HTR2C: variants seen among roughly 807,000 people sequenced by gnomAD.
The protein encoded by HTR2C is 5-hydroxytryptamine receptor 2C.
In HTR2C, 5 loss-of-function variants were observed where a neutral mutation model predicts 21.0. That is an observed-to-expected ratio of 0.24 (90% CI 0.12 to 0.50). The LOEUF is 0.50. HTR2C is among the 20% of genes least tolerant of loss of function. The pLI is 0.98. For missense variants in HTR2C, 271 were observed against 371.2 expected (o/e 0.73, Z 2.22); for synonymous variants, 150 against 145.3 (o/e 1.03, Z -0.23).
At chrX:114,809,790 G>A (rs1245532967) in intron 4 of HTR2C, among the ~76,000 whole-genome samples, 1 of 111,110 alleles carries the variant, frequency 9.0e-6, no homozygotes, top group African/African-American at 3.3e-5. Flanking sequence ...TGTTACCCAA[G>A]CTACAAGACA....
intron 5 of HTR2C, among the ~76,000 whole-genome samples, chrX:114,897,031 G>A (rs782304318): frequency 7.9e-4 from 88 of 111,217 alleles, no homozygotes; most frequent in Non-Finnish European, 1.5e-3. Context: ...ATTTGACCTA[G>A]GTGGATTTAA....
intron 5 of HTR2C, among the ~76,000 whole-genome samples, chrX:114,905,261 G>T (rs2071363298): frequency 9.0e-6 from 1 of 111,555 alleles, no homozygotes; most frequent in Non-Finnish European, 1.9e-5. Flanking sequence ...CTAGGAAAAG[G>T]CCAGTCATTT....
intron 4 of HTR2C, among the ~76,000 whole-genome samples, chrX:114,836,572 G>A (rs782170681): frequency 5.4e-5 from 6 of 111,732 alleles, no homozygotes; most frequent in East Asian, 2.8e-4. Context: ...GCTCGTGCAC[G>A]GTGCGTGCAC....
At chrX:114,816,195 G>T (rs782758392) in intron 4 of HTR2C, among the ~76,000 whole-genome samples, 257 of 109,907 alleles carry the variant, frequency 2.3e-3, no homozygotes, top group African/African-American at 7.7e-3. Flanking sequence ...AATATAATAC[G>T]AATTGTATGA....
At chrX:114,606,552 A>C (rs1556396940) in intron 1 of HTR2C, among the ~76,000 whole-genome samples, 1 of 111,848 alleles carries the variant, frequency 8.9e-6, no homozygotes, top group African/African-American at 3.3e-5. Context: ...AGGAATTGAA[A>C]TTAAGAGAAG....
intron 4 of HTR2C, among the ~76,000 whole-genome samples, chrX:114,804,154 G>T (rs1279620450): frequency 1.8e-5 from 2 of 111,589 alleles, no homozygotes; most frequent in South Asian, 3.7e-4. Flanking sequence ...TGAACGAGGG[G>T]ACAGTTCCAA....
At chrX:114,641,457 A>C (rs1427567533) in intron 2 of HTR2C, among the ~76,000 whole-genome samples, 1 of 111,481 alleles carries the variant, frequency 9.0e-6, no homozygotes. Context: ...AATACTGAAC[A>C]TGGATTTCTG....
Position 114,906,833 on chromosome X carries a change from G to A in HTR2C, c.795G>A (p.Lys265=). ...EPPGLSLDFL[K]CCKRNTAEEE... is the part of the protein sequence containing the mutation. Reference sequence around the variant, plus strand: ...CTGGACTAAGTCTGGATTTCCTGAAGTGCTGCAAGAGGAATACGGCCGAGG... The same window carrying A: ...CTGGACTAAGTCTGGATTTCCTGAAATGCTGCAAGAGGAATACGGCCGAGG... The change falls in exon 6 of 6, where the codon AAG becomes AAA. Residue 265 remains lysine (K), a synonymous_variant. Transcript: ENST00000276198. 8.3e-7 allele frequency: 1 copy of A among 1,211,244 alleles called. No homozygotes were observed. The highest frequency in any genetic ancestry group is 1.8e-5 in the South Asian group (1 of 56,893).
At chrX:114,828,216 A>G (rs184990888) in intron 4 of HTR2C, among the ~76,000 whole-genome samples, 9 of 110,302 alleles carry the variant, frequency 8.2e-5, no homozygotes, top group Non-Finnish European at 1.5e-4. Flanking sequence ...TGTCATCTCT[A>G]CTCTTCTATT....
At chrX:114,677,923 G>A (rs1222615580) in intron 2 of HTR2C, among the ~76,000 whole-genome samples, 2 of 110,806 alleles carry the variant, frequency 1.8e-5, no homozygotes, top group Admixed American at 9.6e-5. Context: ...CTCTAATGCC[G>A]TGGCTAAAAG....
intron 2 of HTR2C, among the ~76,000 whole-genome samples, chrX:114,648,474 T>C (rs782204445): frequency 1.6e-4 from 18 of 111,841 alleles, no homozygotes; most frequent in African/African-American, 5.5e-4. Context: ...ACCTCTGTAA[T>C]CCCAGCACTT....
intron 2 of HTR2C, among the ~76,000 whole-genome samples, chrX:114,700,570 G>C (rs782131755): frequency 8.9e-6 from 1 of 112,133 alleles, no homozygotes; most frequent in South Asian, 3.7e-4. Flanking sequence ...ATGAAAAAAG[G>C]TCTGGCAACC....
intron 2 of HTR2C, among the ~76,000 whole-genome samples, chrX:114,644,358 AATAAATATATATAT>A (rs1475781337): frequency 6.1e-5 from 1 of 16,521 alleles, no homozygotes; most frequent in African/African-American, 2.0e-4. Flanking sequence ...TAAATAAATA[AATAAATATATATAT>A]ATATATATAT....
chrX:114,764,520 T>G (rs2069917443), intron 4 of HTR2C, among the ~76,000 whole-genome samples: 1 of 112,239 alleles, frequency 8.9e-6, no homozygotes, highest in East Asian at 2.8e-4. Context: ...ATTCCAGTTC[T>G]GGTTGCAAAA....
chrX:114,614,528 G>A (rs187926563), intron 2 of HTR2C, among the ~76,000 whole-genome samples: 85 of 110,889 alleles, frequency 7.7e-4, no homozygotes, highest in African/African-American at 2.6e-3. Flanking sequence ...CCAAAGTGCT[G>A]GGATTACAGG....
At chrX:114,769,683 C>T (rs1369110611) in intron 4 of HTR2C, among the ~76,000 whole-genome samples, 2 of 111,278 alleles carry the variant, frequency 1.8e-5, no homozygotes, top group Non-Finnish European at 3.8e-5. Flanking sequence ...ACATATTGCT[C>T]CAATATACTT....
At chrX:114,606,656 A>G (rs1928448012) in intron 1 of HTR2C, among the ~76,000 whole-genome samples, 1 of 111,849 alleles carries the variant, frequency 8.9e-6, no homozygotes, top group Non-Finnish European at 1.9e-5. Flanking sequence ...CTGATTTAAA[A>G]TTGGTGAGAT....
At chrX:114,834,253 C>T (rs2070758233) in intron 4 of HTR2C, among the ~76,000 whole-genome samples, 1 of 109,237 alleles carries the variant, frequency 9.2e-6, no homozygotes, top group Admixed American at 9.8e-5. Context: ...TCCTGGGTAT[C>T]CTTGTTGACT....
At chrX:114,746,853 C>T (rs1556426269) in intron 4 of HTR2C, among the ~76,000 whole-genome samples, 3 of 111,060 alleles carry the variant, frequency 2.7e-5, no homozygotes, top group Non-Finnish European at 3.8e-5. Context: ...GGCATGGTGG[C>T]GGGCGCCTGT....
Sources: gnomAD v4.1 joint callset for allele counts (sites outside exome capture counted in the v4.1 genomes callset) on GRCh38, gnomAD v4.1.1 for gene constraint, MANE v1.5 for transcripts, NCBI Gene and HGNC (gene_info 2026-07-23, HGNC 2026-07-21) for gene names.